The following RIPOR2 variants were observed in gnomAD, a reference collection of about 807,000 sequenced individuals.
The protein encoded by RIPOR2 is RHO family interacting cell polarization regulator 2, also known as rho family-interacting cell polarization regulator 2.
A neutral mutation model predicts 114.5 loss-of-function variants in RIPOR2; 39 were observed. The ratio of observed to expected loss-of-function variants is 0.34; its 90% CI spans 0.26 to 0.44. RIPOR2 has a LOEUF of 0.44. Among genes scored for constraint, RIPOR2 ranks in the 20% least tolerant of loss-of-function variants. RIPOR2 has a pLI of 1.00. For synonymous variants in RIPOR2, 445 were observed against 484.4 expected, an observed-to-expected ratio of 0.92 and a Z score of 1.07; for missense variants, 1,007 against 1,255.1, an observed-to-expected ratio of 0.80 and a Z score of 2.99.
chr6:24,878,015 G>T (rs776826081), intron 1 of RIPOR2, among the ~76,000 whole-genome samples: 2 of 152,162 alleles, frequency 1.3e-5, no homozygotes, highest in African/African-American at 4.8e-5. Context: ...TGAAGCAGGT[G>T]ACCAGGGGAA....
chr6:24,947,973 C>T (rs984689278), intron 1 of RIPOR2: 2 of 152,064 alleles, frequency 1.3e-5, no homozygotes, highest in African/African-American at 4.8e-5. Flanking sequence ...TTCCCTGGTC[C>T]TATACATTAT....
chr6:25,003,598 T>G (rs1226674328), intron 1 of RIPOR2, among the ~76,000 whole-genome samples: 1 of 151,714 alleles, frequency 6.6e-6, no homozygotes, highest in African/African-American at 2.4e-5. Context: ...CCTGGGTAAT[T>G]TTTCTATTTT....
chr6:24,904,319 G>A (rs1426910861), intron 1 of RIPOR2, among the ~76,000 whole-genome samples: 1 of 152,166 alleles, frequency 6.6e-6, no homozygotes, highest in Non-Finnish European at 1.5e-5. Flanking sequence ...AGCTTCTAGA[G>A]GTCACCTGCA....
intron 1 of RIPOR2, among the ~76,000 whole-genome samples, chr6:24,955,406 G>A (rs950990722): frequency 3.2e-4 from 49 of 152,214 alleles, no homozygotes; most frequent in African/African-American, 1.2e-3. Flanking sequence ...GGGGACAGAA[G>A]GCTCACAGCT....
At chr6:24,890,094 C>T (rs921204542) in intron 1 of RIPOR2, among the ~76,000 whole-genome samples, 1 of 151,956 alleles carries the variant, frequency 6.6e-6, no homozygotes, top group Non-Finnish European at 1.5e-5. Flanking sequence ...AGGGTTTCAC[C>T]ATGTTAGACA....
At position 24,852,560 on chromosome 6, in the gene RIPOR2, C is replaced by T; in HGVS notation, c.759+15G>A. The T allele has an allele frequency of 6.2e-7, 1 of 1,607,510 alleles. No individual in the cohort carries two copies. Among genetic ancestry groups the T allele is most frequent in the African/African-American group, 1.3e-5 (1 of 74,650 alleles). Reference sequence around the variant, plus strand: ...AGGTCCATAATTCCAGCACCTAGACCAAGACAATACTTACTTCATATTGAT... The same window carrying T: ...AGGTCCATAATTCCAGCACCTAGACTAAGACAATACTTACTTCATATTGAT... On this transcript the variant is annotated intron_variant, in intron 9 of 21. Transcript: ENST00000643898.
chr6:24,961,587 C>T (rs893324910), intron 1 of RIPOR2, among the ~76,000 whole-genome samples: 16 of 151,780 alleles, frequency 1.1e-4, no homozygotes, highest in African/African-American at 1.9e-4. Context: ...GTAAGAAAAT[C>T]CCTATTTATT....
At chr6:24,874,709 A>G (rs984245782) in intron 2 of RIPOR2, among the ~76,000 whole-genome samples, 3 of 152,244 alleles carry the variant, frequency 2.0e-5, no homozygotes, top group Non-Finnish European at 4.4e-5. Context: ...TACATGCACT[A>G]TGCAATTTTA....
chr6:25,023,056 C>T (rs1483392486), intron 1 of RIPOR2, among the ~76,000 whole-genome samples: 2 of 151,946 alleles, frequency 1.3e-5, no homozygotes, highest in Admixed American at 1.3e-4. Context: ...ACCACAGCTG[C>T]CCCCCACCCT....
chr6:24,969,550 G>A (rs1773681298), intron 1 of RIPOR2, among the ~76,000 whole-genome samples: 1 of 152,192 alleles, frequency 6.6e-6, no homozygotes, highest in South Asian at 2.1e-4. Context: ...TTGGAGTGGG[G>A]TGTGAGGCCC....
At chr6:24,870,552 CTGGAGTGCAG>C (rs1180540897) in intron 5 of RIPOR2, among the ~76,000 whole-genome samples, 1 of 152,214 alleles carries the variant, frequency 6.6e-6, no homozygotes, top group Non-Finnish European at 1.5e-5. Context: ...TCAACCCAGG[CTGGAGTGCAG>C]TGGGTGCAAT....
intron 1 of RIPOR2, among the ~76,000 whole-genome samples, chr6:24,969,806 T>A (rs1245388330): frequency 1.3e-5 from 2 of 152,158 alleles, no homozygotes; most frequent in Non-Finnish European, 2.9e-5. Context: ...AGGTCCTTTA[T>A]GCTTCATGCT....
At chr6:24,891,712 C>A (rs1040150911) in intron 1 of RIPOR2, among the ~76,000 whole-genome samples, 7 of 152,094 alleles carry the variant, frequency 4.6e-5, no homozygotes, top group African/African-American at 1.7e-4. Flanking sequence ...AGGCACTATC[C>A]CATTGGTTCC....
At chr6:24,884,101 T>C (rs115391092) in intron 1 of RIPOR2, among the ~76,000 whole-genome samples, 2,137 of 152,362 alleles carry the variant, frequency 0.014, 20 homozygotes, top group Non-Finnish European at 0.025. Flanking sequence ...TTAAAAAATA[T>C]GGCTGCTTTA....
rs374642412 is a variant in RIPOR2, at chr6:24,835,914, A to T, written c.2040-43T>A. 4.1e-5 allele frequency: 63 copies of T among 1,544,332 alleles called. No homozygotes were observed. In the East Asian group the frequency reaches 5.4e-4, roughly 13 times the overall value. Reference sequence around the variant, plus strand: ...AACATTAGCTATTCTTTTTCTGTGCACAAACCACAGGTCAAGTCCACATGG... The same window carrying T: ...AACATTAGCTATTCTTTTTCTGTGCTCAAACCACAGGTCAAGTCCACATGG... On this transcript the variant is annotated intron_variant, in intron 14 of 21. Transcript: ENST00000643898.
intron 6 of RIPOR2, among the ~76,000 whole-genome samples, chr6:24,866,328 A>G (rs1275558252): frequency 1.3e-5 from 2 of 152,164 alleles, no homozygotes; most frequent in Non-Finnish European, 2.9e-5. Context: ...TTATACTCAT[A>G]TAAGCCTGAT....
At chr6:24,977,409 A>G (rs1309423806) in intron 1 of RIPOR2, among the ~76,000 whole-genome samples, 1 of 151,914 alleles carries the variant, frequency 6.6e-6, no homozygotes, top group African/African-American at 2.4e-5. Flanking sequence ...TTAAATCATA[A>G]TAAAGGTACA....
intron 1 of RIPOR2, among the ~76,000 whole-genome samples, chr6:24,994,202 C>A (rs1270693103): frequency 6.6e-6 from 1 of 152,008 alleles, no homozygotes; most frequent in African/African-American, 2.4e-5. Context: ...GAACTGGACT[C>A]TTTGAGACTG....
At chr6:24,808,248 G>A (rs933316030) in intron 21 of RIPOR2, among the ~76,000 whole-genome samples, 4 of 152,162 alleles carry the variant, frequency 2.6e-5, no homozygotes, top group Non-Finnish European at 4.4e-5. Context: ...AGTGAGGCCC[G>A]GGGCACATTC....
Sources: allele counts gnomAD v4.1 joint callset (sites outside exome capture counted in the v4.1 genomes callset), GRCh38; gene constraint gnomAD v4.1.1; transcripts MANE v1.5; gene names NCBI Gene and HGNC (gene_info 2026-07-23, HGNC 2026-07-21).